TSHZ2: variants seen among roughly 807,000 people sequenced by gnomAD.
TSHZ2 encodes teashirt zinc finger homeobox 2.
In TSHZ2, 21 loss-of-function variants were observed where a neutral mutation model predicts 74.4. That is an observed-to-expected ratio of 0.28 (90% CI 0.20 to 0.41). TSHZ2 has a LOEUF of 0.41. Among genes scored for constraint, TSHZ2 ranks in the 10% least tolerant of loss-of-function variants. The probability of loss-of-function intolerance (pLI) is 1.00; values close to 1 mark genes in which losing one functional copy is unlikely to be tolerated. For missense variants in TSHZ2, 1,244 were observed against 1,293.5 expected (o/e 0.96, Z 0.59); for synonymous variants, 540 against 515.3 (o/e 1.05, Z -0.65).
At chr20:53,207,049 A>T (rs998666396) in intron 1 of TSHZ2, among the ~76,000 whole-genome samples, 10 of 152,192 alleles carry the variant, frequency 6.6e-5, no homozygotes, top group African/African-American at 2.4e-4. Context: ...TCAACCTGAC[A>T]AATTATCGAC....
At position 52,972,520 on chromosome 20, in the gene TSHZ2, GTGTC is replaced by G. The variant is rs761164945; in HGVS notation, c.-770_-767del. The G allele has an allele frequency of 6.7e-4, 104 of 154,214 alleles. No individual in the cohort carries two copies. Among genetic ancestry groups the G allele is most frequent in the Non-Finnish European group, 1.2e-3 (83 of 69,560 alleles). The allele number at this position is 154,214 out of a possible 1,614,324, so 9.6% of individuals were successfully genotyped here. ...CGTGCGCGTGTGAGTGCGTGTGTGA[GTGTC>G]TGTGTGTGTGTCTGTGTGTGTGTGT... On this transcript the variant is annotated 5_prime_UTR_variant, in exon 1 of 3. An upstream open reading frame in the 5' UTR gains an earlier in-frame stop. Transcript: ENST00000371497.
At chr20:53,210,731 C>T (rs936026965) in intron 1 of TSHZ2, among the ~76,000 whole-genome samples, 2 of 152,022 alleles carry the variant, frequency 1.3e-5, no homozygotes, top group Non-Finnish European at 2.9e-5. Context: ...TGGGGGGGCT[C>T]TTTGCTCAGG....
intron 1 of TSHZ2, among the ~76,000 whole-genome samples, chr20:53,215,513 G>A (rs1671846818): frequency 6.7e-6 from 1 of 150,220 alleles, no homozygotes; most frequent in African/African-American, 2.5e-5. Context: ...CCATCATGGA[G>A]GCATCCTAGA....
intron 2 of TSHZ2, among the ~76,000 whole-genome samples, chr20:53,259,171 T>C (rs892724300): frequency 6.6e-6 from 1 of 152,224 alleles, no homozygotes; most frequent in African/African-American, 2.4e-5. Flanking sequence ...GGAACTCTAA[T>C]CTTAGTTGTA....
At chr20:53,420,295 G>C (rs1043329582) in intron 2 of TSHZ2, among the ~76,000 whole-genome samples, 27 of 152,100 alleles carry the variant, frequency 1.8e-4, no homozygotes, top group African/African-American at 6.3e-4. Flanking sequence ...TGTGTCAGCC[G>C]GGCATGCAGA....
At chr20:53,380,815 T>A (rs1251193228) in intron 2 of TSHZ2, among the ~76,000 whole-genome samples, 1 of 152,234 alleles carries the variant, frequency 6.6e-6, no homozygotes, top group Non-Finnish European at 1.5e-5. Flanking sequence ...GAATGGCAAT[T>A]GTGTACATCT....
chr20:53,083,872 A>C (rs1379418213), intron 1 of TSHZ2, among the ~76,000 whole-genome samples: 1 of 152,092 alleles, frequency 6.6e-6, no homozygotes, highest in Non-Finnish European at 1.5e-5. Flanking sequence ...TTTCTATGTG[A>C]ATTTTTTTAA....
chr20:53,034,023 C>T (rs6091624), intron 1 of TSHZ2, among the ~76,000 whole-genome samples: 8,460 of 152,102 alleles, frequency 0.056, 527 homozygotes, highest in African/African-American at 0.14. Flanking sequence ...ATCTGGAGAG[C>T]GTAGCACAGG....
intron 2 of TSHZ2, among the ~76,000 whole-genome samples, chr20:53,394,798 T>C (rs1982385653): frequency 6.9e-6 from 1 of 144,120 alleles, no homozygotes; most frequent in Non-Finnish European, 1.5e-5. Context: ...TCAATTGCCT[T>C]TACCTATCTG....
chr20:53,032,370 T>C (rs914757111), intron 1 of TSHZ2, among the ~76,000 whole-genome samples: 2 of 152,178 alleles, frequency 1.3e-5, no homozygotes, highest in Non-Finnish European at 2.9e-5. Context: ...ATGTACCCAA[T>C]TTTCAACTGG....
intron 1 of TSHZ2, among the ~76,000 whole-genome samples, chr20:53,098,527 A>C (rs949878381): frequency 6.6e-6 from 1 of 152,220 alleles, no homozygotes; most frequent in African/African-American, 2.4e-5. Context: ...GAGCAATTGC[A>C]TACTGTTTTC....
intron 1 of TSHZ2, among the ~76,000 whole-genome samples, chr20:53,032,912 C>A (rs960452602): frequency 1.1e-4 from 16 of 152,084 alleles, no homozygotes; most frequent in Non-Finnish European, 2.2e-4. Context: ...TTGCCTTGCT[C>A]TGTGAAATGT....
intron 1 of TSHZ2, among the ~76,000 whole-genome samples, chr20:53,020,514 G>C (rs1031593156): frequency 6.6e-6 from 1 of 152,156 alleles, no homozygotes; most frequent in Non-Finnish European, 1.5e-5. Context: ...AAAAAGGTCC[G>C]AAACCACTAG....
intron 2 of TSHZ2, among the ~76,000 whole-genome samples, chr20:53,458,507 C>A (rs565481414): frequency 2.9e-4 from 44 of 152,294 alleles, no homozygotes; most frequent in African/African-American, 9.6e-4. Context: ...TTTCAAAAAA[C>A]CAGCTCCTGG....
At chr20:53,088,844 G>A (rs766010283) in intron 1 of TSHZ2, among the ~76,000 whole-genome samples, 25 of 152,198 alleles carry the variant, frequency 1.6e-4, no homozygotes, top group Middle Eastern at 3.4e-3. Flanking sequence ...CTCCACTGCC[G>A]CTCACCTAGC....
chr20:53,425,206 G>T (rs1162545183), intron 2 of TSHZ2, among the ~76,000 whole-genome samples: 1 of 152,086 alleles, frequency 6.6e-6, no homozygotes. Context: ...CTCTCACTTG[G>T]GTTCCAGAGA....
At chr20:53,291,022 G>C (rs963506897) in intron 2 of TSHZ2, among the ~76,000 whole-genome samples, 1 of 152,164 alleles carries the variant, frequency 6.6e-6, no homozygotes, top group Admixed American at 6.5e-5. Context: ...AAAATTTGCC[G>C]ACCCATGGCC....
At chr20:53,443,577 C>T (rs1005107232) in intron 2 of TSHZ2, among the ~76,000 whole-genome samples, 9 of 152,232 alleles carry the variant, frequency 5.9e-5, no homozygotes, top group Admixed American at 4.6e-4. Context: ...GCTACCTAGC[C>T]TCTCCGATCT....
Position 53,255,800 on chromosome 20 carries a change from A to G in TSHZ2, c.2342A>G (p.Gln781Arg), listed in dbSNP as rs753928513. Residue 781 changes from glutamine to arginine, a missense_variant, in exon 2 of 3, where the codon CAA becomes CGA. Coordinates refer to ENST00000371497, the MANE Select transcript of TSHZ2 (RefSeq NM_173485.6). This position sits in a 1 kb window ranked among gnomAD's most constrained non-coding sequence, Gnocchi z 4.1. ...KSKKAESSQA[Q>R]SCMSPPQKHA... ...AAGAAAGCCGAGTCCTCGCAAGCAC[A>G]ATCTTGTATGTCCCCACCTCAGAAG... 2 of 1,613,846 alleles carry G rather than the reference A, an allele frequency of 1.2e-6. No individual in the cohort carries two copies. Among genetic ancestry groups the G allele is most frequent in the Non-Finnish European group, 8.5e-7 (1 of 1,179,932 alleles).
Sources: gnomAD v4.1 joint callset for allele counts (sites outside exome capture counted in the v4.1 genomes callset) on GRCh38, gnomAD v4.1.1 for gene constraint, Gnocchi (gnomAD v3.1) non-coding constraint, MANE v1.5 for transcripts, NCBI Gene and HGNC (gene_info 2026-07-23, HGNC 2026-07-21) for gene names.